Variants in DPEP1 observed in about 807,000 individuals in gnomAD.
DPEP1 encodes beta-lactamase.
A neutral mutation model predicts 42.3 loss-of-function variants in DPEP1; 50 were observed. The observed-to-expected ratio is 1.18, with a 90% CI of 0.94 to 1.50. DPEP1 has a LOEUF of 1.50. DPEP1 is among the 40% of genes most tolerant of loss of function. The pLI, the probability that DPEP1 is intolerant of heterozygous loss-of-function variation, is 0.00. For missense variants in DPEP1, 663 were observed against 553.0 expected (o/e 1.20, Z -1.99); for synonymous variants, 297 against 234.0 (o/e 1.27, Z -2.46).
Position 89,638,044 on chromosome 16 carries a change from G to A in DPEP1, c.1066-8G>A. On this transcript the variant is annotated splice_region_variant and splice_polypyrimidine_tract_variant and intron_variant, in intron 10 of 10. Coordinates refer to ENST00000690203, the MANE Select transcript of DPEP1 (RefSeq NM_001389466.1). ...CAGGCTGCCCCACCCGTGTCTGTCT[G>A]TCCCCAGGCCAGCAACCTCACACAG... The A allele has an allele frequency of 1.2e-6, 2 of 1,611,816 alleles. No homozygotes were observed. The highest frequency in any genetic ancestry group is 1.7e-6 in the Non-Finnish European group (2 of 1,179,614).
At chr16:89,625,845 C>T (rs921146718) in intron 1 of DPEP1, among the ~76,000 whole-genome samples, 4 of 152,172 alleles carry the variant, frequency 2.6e-5, no homozygotes, top group African/African-American at 4.8e-5. Flanking sequence ...GACGAAGAGA[C>T]TGAGGCCGAG....
chr16:89,630,501 C>T lies in DPEP1; in HGVS notation c.91C>T (p.Pro31Ser), dbSNP rs1401351973. The T allele has an allele frequency of 6.3e-7, 1 of 1,594,180 alleles. No homozygotes were observed. The highest frequency in any genetic ancestry group is 2.3e-5 in the East Asian group (1 of 43,928). Reference protein sequence around the residue: ...DEAERIMRDSPVIDGHNDLPW... With the variant: ...DEAERIMRDSSVIDGHNDLPW... ...GGCAGAGAGGATCATGAGGGACTCC[C>T]CTGTCATTGATGGGTGAGTGCTCAC... is the stretch of plus-strand genomic sequence containing the variant. Residue 31 changes from proline to serine, a missense_variant, in exon 2 of 11, where the codon CCT becomes TCT. By Grantham distance (74) the Pro-to-Ser change is moderately conservative. Transcript: ENST00000690203.
chr16:89,630,426 T>C lies in DPEP1; in HGVS notation c.16T>C (p.Trp6Arg). ...GGACCCCACCATGTGGAGCGGATGG[T>C]GGCTGTGGCCCCTTGTGGCCGTCTG... Reference protein sequence around the residue: MWSGWWLWPLVAVCTA... With the variant: MWSGWRLWPLVAVCTA... The change falls in exon 2 of 11, where the codon TGG becomes CGG. Residue 6 changes from tryptophan to arginine, a missense_variant. Physicochemically the swap from Trp to Arg is moderately radical, Grantham distance 101. Transcript: ENST00000690203. 1.9e-6 allele frequency: 3 copies of C among 1,610,298 alleles called. No individual in the cohort carries two copies. The highest frequency in any genetic ancestry group is 2.5e-6 in the Non-Finnish European group (3 of 1,178,454).
downstream of DPEP1, among the ~76,000 whole-genome samples, chr16:89,639,115 ATTCACATCC>A (rs2059722805): frequency 5.0e-5 from 2 of 39,730 alleles, no homozygotes. Context: ...ACCCCTGCAC[ATTCACATCC>A]CACCCCTGCA....
intron 1 of DPEP1, among the ~76,000 whole-genome samples, chr16:89,617,160 T>C (rs1026342990): frequency 6.6e-6 from 1 of 151,996 alleles, no homozygotes; most frequent in Non-Finnish European, 1.5e-5. Flanking sequence ...CTTATTAGAA[T>C]TGCCAGGAAT....
At chr16:89,628,256 C>CTT (rs1206308709) in intron 1 of DPEP1, among the ~76,000 whole-genome samples, 6 of 79,206 alleles carry the variant, frequency 7.6e-5, no homozygotes, top group Non-Finnish European at 1.7e-4. Flanking sequence ...TCTTTTCTTT[C>CTT]TTTTTTTTTT....
At chr16:89,633,930 G>A (rs1214624557) in intron 2 of DPEP1, among the ~76,000 whole-genome samples, 1 of 152,044 alleles carries the variant, frequency 6.6e-6, no homozygotes, top group Non-Finnish European at 1.5e-5. Flanking sequence ...ACCCAGTGAC[G>A]GGGAAGGGGA....
At chr16:89,630,010 G>A (rs1478653705) in intron 1 of DPEP1, among the ~76,000 whole-genome samples, 1 of 152,210 alleles carries the variant, frequency 6.6e-6, no homozygotes. Flanking sequence ...GGAGGTGGTA[G>A]TAATAACAGT....
At chr16:89,628,209 A>G (rs2059541139) in intron 1 of DPEP1, among the ~76,000 whole-genome samples, 1 of 149,522 alleles carries the variant, frequency 6.7e-6, no homozygotes, top group African/African-American at 2.5e-5. Flanking sequence ...GGCGTGAGCC[A>G]CCACACCCGG....
downstream of DPEP1, among the ~76,000 whole-genome samples, chr16:89,640,289 G>T (rs544149467): frequency 6.6e-6 from 1 of 152,198 alleles, no homozygotes; most frequent in Non-Finnish European, 1.5e-5. Flanking sequence ...CTCAGCTTCC[G>T]TTAGGAAGTG....
At chr16:89,634,223 G>A (rs926248490) in intron 2 of DPEP1, among the ~76,000 whole-genome samples, 2 of 151,490 alleles carry the variant, frequency 1.3e-5, no homozygotes, top group Admixed American at 6.6e-5. Context: ...TGAGTAGCTG[G>A]GACTACAGGC....
In DPEP1 at chr16:89,625,602, G is replaced by C. The variant is rs190983347; in HGVS notation, c.-106-4703G>C. Among the ~76,000 whole-genome samples, 6 of 152,332 alleles carry C rather than the reference G, an allele frequency of 3.9e-5. No individual in the cohort carries two copies. The East Asian group carries it at 9.6e-4, about 24-fold the overall frequency. On this transcript the variant is annotated intron_variant, in intron 1 of 10. Coordinates refer to ENST00000690203, the MANE Select transcript of DPEP1 (RefSeq NM_001389466.1). Reference sequence around the variant, plus strand: ...GCAGGTTGGACGAGGGGAGGCTCTGGGGGCAGGGAGGGAGGTTGCAGAGTC... The same window carrying C: ...GCAGGTTGGACGAGGGGAGGCTCTGCGGGCAGGGAGGGAGGTTGCAGAGTC...
At chr16:89,629,207 G>C (rs1008267045) in intron 1 of DPEP1, among the ~76,000 whole-genome samples, 5 of 152,064 alleles carry the variant, frequency 3.3e-5, no homozygotes, top group Non-Finnish European at 1.5e-5. Flanking sequence ...ATGAAAATAC[G>C]ATTTATCATG....
chr16:89,617,573 C>T (rs180708221), intron 1 of DPEP1, among the ~76,000 whole-genome samples: 80 of 148,808 alleles, frequency 5.4e-4, no homozygotes, highest in African/African-American at 1.5e-3. Flanking sequence ...GGCGGCCGGG[C>T]GCGGCGGCTC....
At chr16:89,621,940 G>A (rs983060636) in intron 1 of DPEP1, among the ~76,000 whole-genome samples, 14 of 152,154 alleles carry the variant, frequency 9.2e-5, no homozygotes, top group Non-Finnish European at 1.6e-4. Context: ...AAATGGCCAC[G>A]GTGGCGTCTG....
chr16:89,627,645 TTTC>T (rs1157281154), intron 1 of DPEP1, among the ~76,000 whole-genome samples: 2 of 142,968 alleles, frequency 1.4e-5, no homozygotes, highest in Non-Finnish European at 1.5e-5. Context: ...GTCTTGGATA[TTTC>T]TTCTTTTTTT....
intron 1 of DPEP1, among the ~76,000 whole-genome samples, chr16:89,617,219 G>C (rs1485847861): frequency 1.3e-5 from 2 of 152,162 alleles, no homozygotes; most frequent in African/African-American, 2.4e-5. Flanking sequence ...CAGAGAGATG[G>C]GGTGCTTGGG....
intron 2 of DPEP1, among the ~76,000 whole-genome samples, chr16:89,631,177 C>T (rs536199295): frequency 1.5e-4 from 23 of 152,208 alleles, no homozygotes; most frequent in Non-Finnish European, 2.2e-4. Context: ...TGCCTTCTCC[C>T]GGGGGGAGGC....
At position 89,637,345 on chromosome 16, in the gene DPEP1, C is replaced by T. The variant is rs150320659; in HGVS notation, c.733C>T (p.Arg245Trp). ...HSSAYSVCAS[R>W]RNVPDDVLRL... ...CTCGGCCTACAGCGTGTGCGCAAGCCGGCGCAACGTGCCTGACGACGTCCT... is the reference window on the plus strand; with the variant it reads ...CTCGGCCTACAGCGTGTGCGCAAGCTGGCGCAACGTGCCTGACGACGTCCT... Residue 245 changes from arginine to tryptophan, a missense_variant, in exon 7 of 11, where the codon CGG becomes TGG. Arg to Trp is a moderately radical substitution (Grantham distance 101, BLOSUM62 -3). Coordinates refer to ENST00000690203, the MANE Select transcript of DPEP1 (RefSeq NM_001389466.1). 1.2e-4 allele frequency: 191 copies of T among 1,612,382 alleles called. 2 individuals carry two copies. The African/African-American group carries it at 1.5e-3, about 12-fold the overall frequency.
Sources: gnomAD v4.1 joint callset for allele counts (sites outside exome capture counted in the v4.1 genomes callset) on GRCh38, gnomAD v4.1.1 for gene constraint, MANE v1.5 for transcripts, NCBI Gene and HGNC (gene_info 2026-07-23, HGNC 2026-07-21) for gene names.